The following SEC24B variants were observed in gnomAD, a reference collection of about 807,000 sequenced individuals.
SEC24B encodes the protein protein transport protein Sec24B.
A neutral mutation model predicts 142.8 loss-of-function variants in SEC24B; 45 were observed. The observed-to-expected ratio is 0.32, with a 90% CI of 0.25 to 0.40. The LOEUF (loss-of-function observed/expected upper bound fraction) is 0.40, where lower values mean the gene tolerates loss of function less well. Among genes scored for constraint, SEC24B ranks in the 10% least tolerant of loss-of-function variants. The probability of loss-of-function intolerance (pLI) is 1.00; values close to 1 mark genes in which losing one functional copy is unlikely to be tolerated. For missense variants in SEC24B, 1,409 were observed against 1,526.8 expected, an observed-to-expected ratio of 0.92 and a Z score of 1.29; for synonymous variants, 574 against 568.2, an observed-to-expected ratio of 1.01 and a Z score of -0.15.
intron 1 of SEC24B, among the ~76,000 whole-genome samples, chr4:109,453,299 C>G (rs989997434): frequency 2.0e-5 from 3 of 152,148 alleles, no homozygotes; most frequent in Non-Finnish European, 4.4e-5. Flanking sequence ...GGTTCAAGAG[C>G]AGAGAACCAG....
rs781527364 is a variant in SEC24B, at chr4:109,482,979, T to TATATACACACAC, written c.1165+1199_1165+1200insTATACACACACA. On this transcript the variant is annotated intron_variant, in intron 4 of 23. Coordinates refer to ENST00000265175, the MANE Select transcript of SEC24B (RefSeq NM_006323.5). ...ATATATATATATATATATATATATA[T>TATATACACACAC]ACACACACACACACACACACACACA... Among the ~76,000 whole-genome samples the TATATACACACAC allele has an allele frequency of 5.3e-4, 14 of 26,406 alleles. 1 individual carries two copies. The highest frequency in any genetic ancestry group is 1.1e-3 in the Non-Finnish European group (14 of 13,308). 17.3% of individuals were successfully genotyped at this position (26,406 alleles called of 152,430 possible).
At chr4:109,524,181 C>G (rs750000282) in intron 14 of SEC24B, among the ~76,000 whole-genome samples, 2 of 152,036 alleles carry the variant, frequency 1.3e-5, no homozygotes, top group South Asian at 4.1e-4. Context: ...ATCTGTCTGC[C>G]TAGGACTCTA....
Position 109,525,480 on chromosome 4 carries a change from G to T in SEC24B, c.2767G>T (p.Val923Phe). The change falls in exon 16 of 24, where the codon GTT becomes TTT. Residue 923 changes from valine to phenylalanine, a missense_variant. By Grantham distance (50) the Val-to-Phe change is conservative. Coordinates refer to ENST00000265175, the MANE Select transcript of SEC24B (RefSeq NM_006323.5). ...CACAAGAAAAATTGGGTTTGAAGCTGTTATGAGAATAAGGTGTACTAAAGG... is the reference window on the plus strand; with the variant it reads ...CACAAGAAAAATTGGGTTTGAAGCTTTTATGAGAATAAGGTGTACTAAAGG... ...YLTRKIGFEA[V>F]MRIRCTKGLS... The T allele has an allele frequency of 6.2e-7, 1 of 1,610,268 alleles. No homozygotes were observed. Among genetic ancestry groups the T allele is most frequent in the East Asian group, 2.2e-5 (1 of 44,686 alleles).
chr4:109,483,508 A>AT (rs1734034678), intron 4 of SEC24B, among the ~76,000 whole-genome samples: 2 of 152,192 alleles, frequency 1.3e-5, no homozygotes, highest in South Asian at 4.1e-4. Flanking sequence ...ATTTTGAAGC[A>AT]TTTAAGATTT....
At chr4:109,533,986 C>T (rs1376085918) in intron 22 of SEC24B, among the ~76,000 whole-genome samples, 1 of 151,384 alleles carries the variant, frequency 6.6e-6, no homozygotes, top group East Asian at 1.9e-4. Flanking sequence ...TTGTATTTGG[C>T]TTCTTTCACT....
chr4:109,470,983 GA>G (rs1234088724), intron 2 of SEC24B, among the ~76,000 whole-genome samples: 4 of 152,140 alleles, frequency 2.6e-5, no homozygotes, highest in Non-Finnish European at 4.4e-5. Context: ...TGCCTTCTGT[GA>G]GGAGCATATT....
chr4:109,512,648 T>TATTTTTTTTTTTTA (rs1737474728), intron 9 of SEC24B, among the ~76,000 whole-genome samples: 2 of 149,582 alleles, frequency 1.3e-5, no homozygotes, highest in Admixed American at 6.6e-5. Context: ...CCTTCTGATC[T>TATTTTTTTTTTTTA]ATTTTTTTTT....
intron 1 of SEC24B, chr4:109,451,014 T>A (rs1730025915): frequency 6.6e-6 from 1 of 152,126 alleles, no homozygotes; most frequent in African/African-American, 2.4e-5. Flanking sequence ...TAAGGGATCC[T>A]CTCACTTCAG....
intron 1 of SEC24B, 75 bp downstream of exon 1, chr4:109,434,077 G>A (rs1007737455): frequency 3.1e-6 from 3 of 965,014 alleles, no homozygotes; most frequent in Non-Finnish European, 3.7e-6. Flanking sequence ...TCGGGGCGGG[G>A]CGGGCCGGGC....
rs759245399 is a variant in SEC24B, at chr4:109,524,890, G to A, written c.2581G>A (p.Ala861Thr). The stretch of plus-strand genomic sequence containing the variant: ...ATTAGATTGCTCGGGACAGCAAACT[G>A]CAGTGGATTTGTTCCTTTTAAGTTC... ...LALDCSGQQT[A>T]VDLFLLSSQY... Residue 861 changes from alanine to threonine, a missense_variant, in exon 15 of 24, where the codon GCA becomes ACA. Ala to Thr is a moderately conservative substitution (Grantham distance 58, BLOSUM62 0). This residue lies in a region of SEC24B where 700 missense variants were observed against 853.3 expected (regional missense o/e 0.82). Transcript: ENST00000265175. 6.2e-7 allele frequency: 1 copy of A among 1,612,392 alleles called. No homozygotes were observed. The highest frequency in any genetic ancestry group is 1.7e-5 in the Admixed American group (1 of 59,834).
intron 20 of SEC24B, among the ~76,000 whole-genome samples, chr4:109,532,250 A>T (rs1050782606): frequency 4.6e-5 from 7 of 152,166 alleles, no homozygotes; most frequent in African/African-American, 1.7e-4. Context: ...GCAAATATGT[A>T]GTGTCTTTTA....
intron 2 of SEC24B, among the ~76,000 whole-genome samples, chr4:109,471,641 T>G (rs1184845307): frequency 6.6e-6 from 1 of 151,736 alleles, no homozygotes; most frequent in East Asian, 1.9e-4. Context: ...TTCACTCATG[T>G]GAATTCATTT....
chr4:109,453,529 G>A (rs925869237), intron 1 of SEC24B, among the ~76,000 whole-genome samples: 1 of 137,390 alleles, frequency 7.3e-6, no homozygotes, highest in Non-Finnish European at 1.5e-5. Flanking sequence ...ACCCGTGTTC[G>A]GTAATAAGAG....
chr4:109,491,443 A>G, intron 5 of SEC24B, 36 bp downstream of exon 5: 1 of 1,482,584 alleles, frequency 6.7e-7, no homozygotes, highest in Non-Finnish European at 9.4e-7. Flanking sequence ...CTTCATTTTG[A>G]AAGTTATTGA....
At chr4:109,520,519 A>G in intron 12 of SEC24B, 35 bp downstream of exon 12, 1 of 1,268,914 alleles carries the variant, frequency 7.9e-7, no homozygotes, top group Non-Finnish European at 1.1e-6. Flanking sequence ...CTTTCTAACT[A>G]CGGACTTTGA....
chr4:109,506,179 T>C, intron 6 of SEC24B, 149 bp from the exon 7 acceptor site: 1 of 442,306 alleles, frequency 2.3e-6, no homozygotes, highest in Non-Finnish European at 3.8e-6. Context: ...TGAGTTTTTT[T>C]CAAGTGTGCT....
At chr4:109,519,977 C>G (rs576614082) in intron 11 of SEC24B, among the ~76,000 whole-genome samples, 2 of 152,246 alleles carry the variant, frequency 1.3e-5, no homozygotes, top group African/African-American at 4.8e-5. Flanking sequence ...GTAGCATCGA[C>G]TTTTGAAAAC....
At chr4:109,518,183 G>T (rs761548043) in intron 11 of SEC24B, among the ~76,000 whole-genome samples, 1 of 152,042 alleles carries the variant, frequency 6.6e-6, no homozygotes, top group Non-Finnish European at 1.5e-5. Flanking sequence ...TGTGGAAATG[G>T]AAATAGCAAG....
At chr4:109,520,309 T>A in intron 11 of SEC24B, 57 bp from the exon 12 acceptor site, 2 of 1,008,082 alleles carry the variant, frequency 2.0e-6, no homozygotes, top group South Asian at 2.7e-5. Flanking sequence ...CATTATTTTC[T>A]GAAATGAAAT....
Sources: gnomAD v4.1 joint callset for allele counts (sites outside exome capture counted in the v4.1 genomes callset) on GRCh38, gnomAD v4.1.1 for gene constraint, gnomAD v4.1.1 regional missense constraint, MANE v1.5 for transcripts, NCBI Gene and HGNC (gene_info 2026-07-23, HGNC 2026-07-21) for gene names.